Variants in FTO observed in about 807,000 individuals in gnomAD.
FTO encodes the protein alpha-ketoglutarate-dependent dioxygenase FTO.
Under a neutral mutation model 63.9 loss-of-function variants are expected in FTO, and 47 were observed. The ratio of observed to expected loss-of-function variants is 0.74; its 90% confidence interval spans 0.58 to 0.94. The LOEUF (loss-of-function observed/expected upper bound fraction) is 0.94. Ranked by LOEUF, FTO falls within the 40% of genes least tolerant of loss-of-function variation. The pLI, the probability that FTO is intolerant of heterozygous loss-of-function variation, is 0.00. For synonymous variants in FTO, 207 were observed against 224.4 expected, an observed-to-expected ratio of 0.92 and a Z score of 0.69; for missense variants, 562 against 618.1, an observed-to-expected ratio of 0.91 and a Z score of 0.96.
chr16:53,771,593 A>G (rs1329792229), intron 1 of FTO, among the ~76,000 whole-genome samples: 1 of 152,140 alleles, frequency 6.6e-6, no homozygotes, highest in Non-Finnish European at 1.5e-5. Context: ...TAGAGTTACC[A>G]TATAACCCGG....
At chr16:53,783,630 A>G (rs1267185904) in intron 1 of FTO, among the ~76,000 whole-genome samples, 1 of 142,776 alleles carries the variant, frequency 7.0e-6, no homozygotes, top group Non-Finnish European at 1.5e-5. Flanking sequence ...AAAAAAAAGT[A>G]AAAGAAAATT....
chr16:53,903,216 C>T (rs1258340334), intron 7 of FTO, among the ~76,000 whole-genome samples: 1 of 151,810 alleles, frequency 6.6e-6, no homozygotes, highest in African/African-American at 2.4e-5. Flanking sequence ...GAGGCTAGCA[C>T]TATTCTTAGT....
intron 1 of FTO, among the ~76,000 whole-genome samples, chr16:53,741,422 G>T (rs992794870): frequency 5.9e-5 from 9 of 152,074 alleles, no homozygotes; most frequent in African/African-American, 2.2e-4. Context: ...TATTCCATTG[G>T]ATTATAATCT....
chr16:53,818,876 C>T (rs1319525709), intron 2 of FTO, among the ~76,000 whole-genome samples: 2 of 151,976 alleles, frequency 1.3e-5, no homozygotes, highest in Non-Finnish European at 2.9e-5. Context: ...TAATTATTAT[C>T]AATAGCAGTA....
rs371830760 is a variant in FTO at position 53,826,219 on chromosome 16, A to G, written c.479A>G (p.Lys160Arg). 7.4e-6 allele frequency: 12 copies of G among 1,614,090 alleles called. No individual in the cohort carries two copies. In the East Asian group the frequency reaches 2.7e-4, roughly 36 times the overall value. ...TIQALEELAA[K>R]EKANEDAVPL... ...CAGGCTTTGGAAGAACTTGCTGCCAAAGAGAAGGCTAATGAGGATGCTGTG... is the reference window on the plus strand; with the variant it reads ...CAGGCTTTGGAAGAACTTGCTGCCAGAGAGAAGGCTAATGAGGATGCTGTG... The change falls in exon 3 of 9, where the codon AAA becomes AGA. Residue 160 changes from lysine (K) to arginine (R), a missense_variant. Physicochemically the swap from Lys to Arg is conservative, Grantham distance 26. Transcript: ENST00000471389.
At chr16:53,968,481 C>A (rs942760610) in intron 8 of FTO, among the ~76,000 whole-genome samples, 5 of 152,154 alleles carry the variant, frequency 3.3e-5, no homozygotes, top group Admixed American at 6.5e-5. Flanking sequence ...ATGAAATACA[C>A]CATCTAAAAT....
chr16:54,109,065 T>C (rs1344476240), intron 8 of FTO, among the ~76,000 whole-genome samples: 1 of 152,226 alleles, frequency 6.6e-6, no homozygotes, highest in African/African-American at 2.4e-5. Flanking sequence ...GTTGGGGATG[T>C]CTGTCCTTTT....
At chr16:53,793,469 A>T (rs927910491) in intron 1 of FTO, among the ~76,000 whole-genome samples, 5 of 152,330 alleles carry the variant, frequency 3.3e-5, no homozygotes, top group South Asian at 4.1e-4. Context: ...ATTAAAAAAA[A>T]TTTCCCTTGG....
At chr16:53,930,221 CTTTTTTTTTTT>C (rs1014205147) in intron 7 of FTO, among the ~76,000 whole-genome samples, 14 of 75,704 alleles carry the variant, frequency 1.8e-4, no homozygotes, top group Admixed American at 3.0e-4. Flanking sequence ...TGATTATCTT[CTTTTTTTTTTT>C]TTTTTTTTTT....
intron 3 of FTO, among the ~76,000 whole-genome samples, chr16:53,833,469 T>C (rs2079197917): frequency 2.0e-5 from 3 of 152,242 alleles, no homozygotes; most frequent in Admixed American, 2.0e-4. Context: ...AATAGCCATC[T>C]TTTGGCTATG....
intron 7 of FTO, among the ~76,000 whole-genome samples, chr16:53,917,263 C>T (rs1254715606): frequency 6.6e-6 from 1 of 152,204 alleles, no homozygotes; most frequent in African/African-American, 2.4e-5. Flanking sequence ...ATTCCTGCCT[C>T]ACAGAAAGTT....
chr16:53,824,459 TA>T (rs1222499997), intron 2 of FTO, among the ~76,000 whole-genome samples: 2 of 152,240 alleles, frequency 1.3e-5, no homozygotes, highest in African/African-American at 4.8e-5. Context: ...CCTGTTCTAA[TA>T]AGATTTCCTG....
In FTO at chr16:53,733,814, G is replaced by C. The variant is rs181767052; in HGVS notation, c.45+29585G>C. Among the ~76,000 whole-genome samples the C allele has an allele frequency of 2.1e-3, 317 of 152,280 alleles. 1 individual carries two copies. The highest frequency in any genetic ancestry group is 3.4e-3 in the Non-Finnish European group (232 of 68,014). On this transcript the variant is annotated intron_variant, in intron 1 of 8. Coordinates refer to ENST00000471389, the MANE Select transcript of FTO (RefSeq NM_001080432.3). ...GTTATTATAAAGAACATTATATAAG[G>C]ATTTCCTCTAGAATTTTTAAATCTT... is the stretch of plus-strand genomic sequence containing the variant.
At chr16:53,908,899 T>C (rs149394540) in intron 7 of FTO, among the ~76,000 whole-genome samples, 35 of 152,314 alleles carry the variant, frequency 2.3e-4, no homozygotes, top group African/African-American at 7.9e-4. Context: ...TCGTTTCTCA[T>C]GTGAGTTCTA....
At chr16:53,954,461 T>C (rs1049605539) in intron 8 of FTO, among the ~76,000 whole-genome samples, 5 of 152,140 alleles carry the variant, frequency 3.3e-5, no homozygotes, top group East Asian at 1.9e-4. Flanking sequence ...TTCCTGAAAC[T>C]TGGGTTCATG....
intron 1 of FTO, among the ~76,000 whole-genome samples, chr16:53,767,637 C>T (rs9923147): frequency 0.42 from 63,121 of 151,484 alleles, 13,350 homozygotes; most frequent in Non-Finnish European, 0.44. Flanking sequence ...ATTATTAAGC[C>T]CATGGGACTC....
At chr16:53,780,100 TGACAAACA>T (rs1396937921) in intron 1 of FTO, among the ~76,000 whole-genome samples, 9 of 152,202 alleles carry the variant, frequency 5.9e-5, no homozygotes, top group Non-Finnish European at 1.2e-4. Flanking sequence ...AGTGACTTAA[TGACAAACA>T]GAATGAGATC....
At chr16:53,773,583 C>T (rs989765156) in intron 1 of FTO, among the ~76,000 whole-genome samples, 9 of 152,130 alleles carry the variant, frequency 5.9e-5, no homozygotes, top group Non-Finnish European at 1.3e-4. Flanking sequence ...TACTTACCAA[C>T]ACCTCACATC....
chr16:54,054,017 T>A (rs1288251659), intron 8 of FTO, among the ~76,000 whole-genome samples: 1 of 151,634 alleles, frequency 6.6e-6, no homozygotes, highest in African/African-American at 2.4e-5. Context: ...TGGTGTCGGT[T>A]TTTTTTTTCC....
Sources: gnomAD v4.1 joint callset for allele counts (sites outside exome capture counted in the v4.1 genomes callset) on GRCh38, gnomAD v4.1.1 for gene constraint, MANE v1.5 for transcripts, NCBI Gene and HGNC (gene_info 2026-07-23, HGNC 2026-07-21) for gene names.